The following MGST1 variants were observed in gnomAD, a reference collection of about 807,000 sequenced individuals.
The protein encoded by MGST1 is microsomal glutathione S-transferase 1.
Under a neutral mutation model 8.9 loss-of-function variants are expected in MGST1, and 5 were observed. The ratio of observed to expected loss-of-function variants is 0.56; its 90% CI spans 0.29 to 1.19. The LOEUF (loss-of-function observed/expected upper bound fraction) is 1.19, where lower values mean the gene tolerates loss of function less well. Ranked by LOEUF, MGST1 falls within the 50% of genes most tolerant of loss-of-function variation. The pLI is 0.08. For missense variants in MGST1, 182 were observed against 187.4 expected, an observed-to-expected ratio of 0.97 and a Z score of 0.17; for synonymous variants, 54 against 67.8, an observed-to-expected ratio of 0.80 and a Z score of 1.00.
intron 4 of MGST1, chr12:16,551,300 T>G: frequency 6.2e-7 from 1 of 1,612,308 alleles, no homozygotes; most frequent in Non-Finnish European, 8.5e-7. Context: ...TGTTATTCTT[T>G]AGGAAAAATT....
chr12:16,504,099 G>A (rs1941521982), intron 4 of MGST1, among the ~76,000 whole-genome samples: 1 of 152,144 alleles, frequency 6.6e-6, no homozygotes, highest in Non-Finnish European at 1.5e-5. Context: ...ATCAGTCTAA[G>A]CACTGCTGCT....
At chr12:16,556,876 G>A (rs1290012995) in intron 4 of MGST1, among the ~76,000 whole-genome samples, 1 of 152,100 alleles carries the variant, frequency 6.6e-6, no homozygotes, top group Non-Finnish European at 1.5e-5. Context: ...GTGCATAACC[G>A]GCACTAAAGA....
At chr12:16,520,268 A>G (rs755334665) in intron 4 of MGST1, among the ~76,000 whole-genome samples, 28 of 152,226 alleles carry the variant, frequency 1.8e-4, no homozygotes, top group Admixed American at 3.3e-4. Flanking sequence ...AATTAGTGAA[A>G]GAATGTTACA....
chr12:16,409,488 C>T (rs932529747), intron 1 of MGST1, among the ~76,000 whole-genome samples: 5 of 151,912 alleles, frequency 3.3e-5, no homozygotes, highest in Admixed American at 2.6e-4. Context: ...AGGAGAGGAT[C>T]GCTGAAATTA....
chr12:16,433,849 T>C (rs1940960636), intron 1 of MGST1, among the ~76,000 whole-genome samples: 1 of 152,136 alleles, frequency 6.6e-6, no homozygotes, highest in Non-Finnish European at 1.5e-5. Flanking sequence ...TGTATGTTTC[T>C]ACCTCTCTTT....
chr12:16,512,903 A>C lies in MGST1; in HGVS notation n.483-76625A>C, dbSNP rs555456991. Among the ~76,000 whole-genome samples, 4 of 152,300 alleles carry C rather than the reference A, an allele frequency of 2.6e-5. No individual in the cohort carries two copies. In the South Asian group the frequency reaches 8.3e-4, roughly 32 times the overall value. On this transcript the variant is annotated intron_variant and non_coding_transcript_variant, in intron 4 of 4. Coordinates refer to the MGST1 transcript ENST00000538857. ...ACGTTAAAATAATATGCTTGTGATA[A>C]TCTCATGAGAATCAAGGGCCATGTG...
chr12:16,409,294 G>A (rs1277985083), intron 1 of MGST1, among the ~76,000 whole-genome samples: 1 of 151,934 alleles, frequency 6.6e-6, no homozygotes, highest in African/African-American at 2.4e-5. Context: ...GTGTGTGTAT[G>A]TGTGTGTATA....
intron 4 of MGST1, among the ~76,000 whole-genome samples, chr12:16,455,130 A>G (rs1340686844): frequency 1.3e-5 from 2 of 151,964 alleles, no homozygotes; most frequent in Admixed American, 1.3e-4. Flanking sequence ...AATTTTGAGG[A>G]CAATGATAGG....
At chr12:16,545,080 G>T (rs1941815491) in intron 4 of MGST1, among the ~76,000 whole-genome samples, 1 of 151,776 alleles carries the variant, frequency 6.6e-6, no homozygotes, top group African/African-American at 2.4e-5. Context: ...TTAAAAAATG[G>T]CCCATTGTGA....
chr12:16,521,137 A>G (rs1034647840), intron 4 of MGST1, among the ~76,000 whole-genome samples: 31 of 152,066 alleles, frequency 2.0e-4, no homozygotes, highest in African/African-American at 7.5e-4. Flanking sequence ...CACCTACTTC[A>G]GTATGGTTCT....
chr12:16,446,445 A>C (rs868351762), intron 4 of MGST1, among the ~76,000 whole-genome samples: 1 of 151,900 alleles, frequency 6.6e-6, no homozygotes, highest in Non-Finnish European at 1.5e-5. Context: ...CAGCCTCTTG[A>C]GGAGTCATTC....
At chr12:16,472,144 T>A (rs1941293063) in intron 4 of MGST1, among the ~76,000 whole-genome samples, 1 of 152,178 alleles carries the variant, frequency 6.6e-6, no homozygotes, top group South Asian at 2.1e-4. Flanking sequence ...ATAAGACTAC[T>A]ATTATAATCT....
At chr12:16,385,549 CTTATT>C (rs1940497297) in intron 1 of MGST1, among the ~76,000 whole-genome samples, 1 of 152,160 alleles carries the variant, frequency 6.6e-6, no homozygotes, top group South Asian at 2.1e-4. Flanking sequence ...TAAATTTATA[CTTATT>C]TTATTAACAA....
chr12:16,558,667 C>T (rs762050858), intron 4 of MGST1, among the ~76,000 whole-genome samples: 2 of 152,082 alleles, frequency 1.3e-5, no homozygotes, highest in African/African-American at 4.8e-5. Flanking sequence ...TGTAAGATAA[C>T]ATCTTACATG....
In MGST1 at chr12:16,547,558, C is replaced by G. The variant is rs1941840833; in HGVS notation, n.483-41970C>G. Among the ~76,000 whole-genome samples, 1 of 152,102 alleles carries G rather than the reference C, an allele frequency of 6.6e-6. No individual in the cohort carries two copies. The highest frequency in any genetic ancestry group is 1.5e-5 in the Non-Finnish European group (1 of 68,008). On this transcript the variant is annotated intron_variant and non_coding_transcript_variant, in intron 4 of 4. Coordinates refer to the MGST1 transcript ENST00000538857. This position sits in a 1 kb window ranked among gnomAD's most constrained non-coding sequence, Gnocchi z 4.6. ...CAAAGACATGTTAAAGTTATTTGAT[C>G]TAGGCCAACCCTAAGTCTGCCCAAC...
chr12:16,386,664 TGA>T (rs934503396), intron 1 of MGST1, among the ~76,000 whole-genome samples: 8 of 152,212 alleles, frequency 5.3e-5, no homozygotes, highest in African/African-American at 1.9e-4. Context: ...GCTCACTGTG[TGA>T]GTTTGCGAAC....
intron 1 of MGST1, among the ~76,000 whole-genome samples, chr12:16,386,341 T>C (rs1940503747): frequency 6.6e-6 from 1 of 152,194 alleles, no homozygotes. Flanking sequence ...AGAAGCAGTT[T>C]ATAGCGGCAT....
At chr12:16,390,420 T>C (rs1940541574) in intron 1 of MGST1, among the ~76,000 whole-genome samples, 1 of 152,282 alleles carries the variant, frequency 6.6e-6, no homozygotes, top group Admixed American at 6.5e-5. Context: ...ATCCAATAGT[T>C]ATTCTTTTCT....
rs1384510091 is a variant in MGST1, at chr12:16,457,407, T to C, written n.482+73803T>C. On this transcript the variant is annotated intron_variant and non_coding_transcript_variant, in intron 4 of 4. Transcript: ENST00000538857. ...AAAAAATGTGGCCTAAATACCCTAG[T>C]TTATAATTCAGCAAAGTGCTTGGAA... 4.6e-5 allele frequency among the ~76,000 whole-genome samples: 7 copies of C among 152,040 alleles called. No individual in the cohort carries two copies. In the East Asian group the frequency reaches 1.4e-3, roughly 30 times the overall value.
Sources: gnomAD v4.1 joint callset for allele counts (sites outside exome capture counted in the v4.1 genomes callset) on GRCh38, gnomAD v4.1.1 for gene constraint, Gnocchi (gnomAD v3.1) non-coding constraint, MANE v1.5 for transcripts, NCBI Gene and HGNC (gene_info 2026-07-23, HGNC 2026-07-21) for gene names.